C4orf51: variants seen among roughly 807,000 people sequenced by gnomAD.
C4orf51 encodes uncharacterized protein C4orf51.
C4orf51 carries 25 observed loss-of-function variants against 25.2 expected under a neutral mutation model. That is an observed-to-expected ratio of 0.99 (90% CI 0.72 to 1.39). The LOEUF is 1.39. C4orf51 is among the 40% of genes most tolerant of loss of function. The pLI, the probability that C4orf51 is intolerant of heterozygous loss-of-function variation, is 0.00. For synonymous variants in C4orf51, 100 were observed against 84.5 expected, an observed-to-expected ratio of 1.18 and a Z score of -1.01; for missense variants, 252 against 239.6, an observed-to-expected ratio of 1.05 and a Z score of -0.34.
intron 1 of C4orf51, among the ~76,000 whole-genome samples, chr4:145,684,184 TA>T (rs1477146040): frequency 2.0e-5 from 3 of 151,966 alleles, no homozygotes; most frequent in Admixed American, 2.0e-4. Flanking sequence ...AATAAGCATG[TA>T]AAAAGATGTC....
intron 2 of C4orf51, among the ~76,000 whole-genome samples, chr4:145,715,226 C>T (rs571908835): frequency 6.6e-6 from 1 of 152,324 alleles, no homozygotes; most frequent in South Asian, 2.1e-4. Flanking sequence ...GATGGACTCC[C>T]TGAAGCAGTA....
intron 2 of C4orf51, among the ~76,000 whole-genome samples, chr4:145,724,880 C>CAAAAAAAAAAA (rs1222983724): frequency 2.9e-4 from 20 of 68,290 alleles, no homozygotes; most frequent in Middle Eastern, 9.1e-3. Context: ...AAGACTGTCT[C>CAAAAAAAAAAA]AAAAAAAAAA....
intron 1 of C4orf51, among the ~76,000 whole-genome samples, chr4:145,690,953 C>CA (rs1335350535): frequency 6.8e-6 from 1 of 147,348 alleles, no homozygotes; most frequent in Non-Finnish European, 1.5e-5. Context: ...CCACCCCCCA[C>CA]AAAAAAAGAA....
At chr4:145,685,500 G>A (rs1442884203) in intron 1 of C4orf51, among the ~76,000 whole-genome samples, 1 of 152,198 alleles carries the variant, frequency 6.6e-6, no homozygotes, top group Non-Finnish European at 1.5e-5. Flanking sequence ...ACAACTCTAA[G>A]GGGGTGTGTG....
chr4:145,741,491 C>A (rs1201824593), intron 1 of C4orf51, among the ~76,000 whole-genome samples: 1 of 151,982 alleles, frequency 6.6e-6, no homozygotes, highest in African/African-American at 2.4e-5. Flanking sequence ...GATGGATGGC[C>A]TACACTTCAA....
chr4:145,693,836 G>A (rs1729799636), intron 1 of C4orf51, among the ~76,000 whole-genome samples: 2 of 107,716 alleles, frequency 1.9e-5, no homozygotes, highest in African/African-American at 3.7e-5. Flanking sequence ...GGCCGGGCGG[G>A]GGGGCTGACC....
chr4:145,688,326 G>A (rs1183557101), intron 1 of C4orf51, among the ~76,000 whole-genome samples: 2 of 151,938 alleles, frequency 1.3e-5, no homozygotes, highest in African/African-American at 4.8e-5. Context: ...GAAAATAGAG[G>A]CAATCTAAAA....
chr4:145,694,647 G>T (rs28536690), intron 1 of C4orf51, among the ~76,000 whole-genome samples: 8,845 of 47,038 alleles, frequency 0.19, 1,036 homozygotes, highest in Middle Eastern at 0.29. Context: ...GGAGGGAGGT[G>T]GGGGGGTCAG....
At chr4:145,726,177 A>T (rs1341814261) in intron 2 of C4orf51, among the ~76,000 whole-genome samples, 1 of 152,198 alleles carries the variant, frequency 6.6e-6, no homozygotes, top group Non-Finnish European at 1.5e-5. Flanking sequence ...AAAAGATATT[A>T]TTCTTAATTG....
chr4:145,741,320 G>A (rs1733084552), intron 1 of C4orf51, among the ~76,000 whole-genome samples: 1 of 152,126 alleles, frequency 6.6e-6, no homozygotes, highest in South Asian at 2.1e-4. Flanking sequence ...GGGGTAGGGC[G>A]ACTTTTCATC....
intron 2 of C4orf51, among the ~76,000 whole-genome samples, chr4:145,705,013 C>A (rs1444960253): frequency 1.3e-5 from 2 of 152,206 alleles, no homozygotes; most frequent in East Asian, 3.8e-4. Context: ...GGCCTTGCAT[C>A]CCTTCTCCCC....
chr4:145,759,876 A>T (rs1316919851), intron 1 of C4orf51: 1 of 152,210 alleles, frequency 6.6e-6, no homozygotes, highest in East Asian at 1.9e-4. Context: ...AACAAATGGT[A>T]ACCACTGAAT....
At chr4:145,738,545 AT>A (rs1267782161) in intron 1 of C4orf51, among the ~76,000 whole-genome samples, 1 of 151,726 alleles carries the variant, frequency 6.6e-6, no homozygotes, top group Non-Finnish European at 1.5e-5. Context: ...TGTTAATTAT[AT>A]TTTTTTTCTG....
intron 3 of C4orf51, among the ~76,000 whole-genome samples, chr4:145,728,603 A>G (rs1732247674): frequency 1.3e-5 from 2 of 152,152 alleles, no homozygotes; most frequent in Admixed American, 6.5e-5. Context: ...TCAATATATA[A>G]TTTTGTTTTT....
the C4orf51 span, among the ~76,000 whole-genome samples, chr4:145,780,145 C>T: frequency 6.6e-6 from 1 of 152,158 alleles, no homozygotes; most frequent in African/African-American, 2.4e-5. Flanking sequence ...GAGCTGAGAT[C>T]ACGCCACTGC....
In C4orf51 at chr4:145,763,605, A is replaced by G. The variant is rs1734845474; in HGVS notation, n.167-7383A>G. ...TCCCTGAGGAAAGGCGAACTGGCAAAGCCACAACTGGCAGGGGCTGCAATG... is the reference window on the plus strand; with the variant it reads ...TCCCTGAGGAAAGGCGAACTGGCAAGGCCACAACTGGCAGGGGCTGCAATG... On this transcript the variant is annotated intron_variant and non_coding_transcript_variant, in intron 1 of 1. Transcript: ENST00000510096. This position sits in a 1 kb window ranked among gnomAD's most constrained non-coding sequence, Gnocchi z 4.6. 6.6e-6 allele frequency among the ~76,000 whole-genome samples: 1 copy of G among 152,218 alleles called. No individual in the cohort carries two copies. Among genetic ancestry groups the G allele is most frequent in the Non-Finnish European group, 1.5e-5 (1 of 68,034 alleles).
chr4:145,713,929 C>T (rs775514840), intron 2 of C4orf51, among the ~76,000 whole-genome samples: 1 of 152,022 alleles, frequency 6.6e-6, no homozygotes, highest in Non-Finnish European at 1.5e-5. Context: ...ATTATAGGCA[C>T]CTGCCACCAT....
At chr4:145,786,540 AC>A in the C4orf51 span, among the ~76,000 whole-genome samples, 5 of 152,220 alleles carry the variant, frequency 3.3e-5, no homozygotes, top group African/African-American at 1.2e-4. Flanking sequence ...TTTGAGGCAT[AC>A]CTCAAACTGA....
chr4:145,774,897 C>A (rs1188490373), downstream of C4orf51, among the ~76,000 whole-genome samples: 1 of 152,228 alleles, frequency 6.6e-6, no homozygotes, highest in Non-Finnish European at 1.5e-5. Flanking sequence ...GTAACAATCA[C>A]ATATGTGTTA....
Sources: allele counts gnomAD v4.1 joint callset (sites outside exome capture counted in the v4.1 genomes callset), GRCh38; gene constraint gnomAD v4.1.1; non-coding constraint Gnocchi (gnomAD v3.1); transcripts MANE v1.5; gene names NCBI Gene and HGNC (gene_info 2026-07-23, HGNC 2026-07-21).